ANO2: variants seen among roughly 807,000 people sequenced by gnomAD.
ANO2 encodes the protein anoctamin 2.
ANO2 carries 101 observed loss-of-function variants against 124.2 expected under a neutral mutation model. The ratio of observed to expected loss-of-function variants is 0.81; its 90% CI spans 0.69 to 0.96. The LOEUF (loss-of-function observed/expected upper bound fraction) is 0.96, where lower values mean the gene tolerates loss of function less well. ANO2 is among the 40% of genes least tolerant of loss of function. The pLI, the probability that ANO2 is intolerant of heterozygous loss-of-function variation, is 0.00. For synonymous variants in ANO2, 486 were observed against 482.5 expected, an observed-to-expected ratio of 1.01 and a Z score of -0.09; for missense variants, 1,293 against 1,274.5, an observed-to-expected ratio of 1.01 and a Z score of -0.22.
At chr12:5,923,003 C>T (rs965206120) in intron 1 of ANO2, among the ~76,000 whole-genome samples, 199 bp from the exon 2 acceptor site, 3 of 152,132 alleles carry the variant, frequency 2.0e-5, no homozygotes, top group African/African-American at 2.4e-5. Flanking sequence ...TGCGGCCCCC[C>T]GACTGCATAC....
rs144296547 is a variant in ANO2 at position 5,658,603 on chromosome 12, A to G, written c.1546-10802T>C. Among the ~76,000 whole-genome samples, 42 of 151,922 alleles carry G rather than the reference A, an allele frequency of 2.8e-4. No individual in the cohort carries two copies. The highest frequency in any genetic ancestry group is 5.0e-4 in the Non-Finnish European group (34 of 67,980). ...CATCAATATCATCATCATCATCATT[A>G]TCATCATTAAATCATCATCAACATC... On this transcript the variant is annotated intron_variant, in intron 14 of 24. Coordinates refer to ENST00000682330, the MANE Select transcript of ANO2 (RefSeq NM_001364791.2). This position sits in a 1 kb window ranked among gnomAD's most constrained non-coding sequence, Gnocchi z 4.3.
chr12:5,659,220 T>C (rs1267561070), intron 14 of ANO2, among the ~76,000 whole-genome samples: 1 of 152,170 alleles, frequency 6.6e-6, no homozygotes, highest in Non-Finnish European at 1.5e-5. Flanking sequence ...TCTTTAGGTC[T>C]CCCTCTTAAA....
intron 7 of ANO2, among the ~76,000 whole-genome samples, chr12:5,811,088 C>T (rs1953374318): frequency 6.6e-6 from 1 of 152,206 alleles, no homozygotes; most frequent in Non-Finnish European, 1.5e-5. Context: ...TGCTGGGTGA[C>T]AGGGACTGCA....
At chr12:5,882,873 A>G (rs1249524241) in intron 3 of ANO2, among the ~76,000 whole-genome samples, 2 of 152,226 alleles carry the variant, frequency 1.3e-5, no homozygotes, top group Non-Finnish European at 2.9e-5. Flanking sequence ...AGAGCCACAA[A>G]GGGGAGATAT....
intron 1 of ANO2, among the ~76,000 whole-genome samples, chr12:5,931,179 G>C (rs1183602623): frequency 6.6e-6 from 1 of 152,102 alleles, no homozygotes; most frequent in Non-Finnish European, 1.5e-5. Flanking sequence ...ATGACATACA[G>C]GGTCTTTCAT....
chr12:5,839,539 C>T, intron 4 of ANO2: 1 of 455,654 alleles, frequency 2.2e-6, no homozygotes, highest in Admixed American at 2.4e-5. Flanking sequence ...GCTACCACTC[C>T]ATGGCTCTGA....
In ANO2 at chr12:5,744,193, C is replaced by T; in HGVS notation, c.1315G>A (p.Ala439Thr). 1.2e-6 allele frequency: 2 copies of T among 1,613,128 alleles called. No homozygotes were observed. Among genetic ancestry groups the T allele is most frequent in the Non-Finnish European group, 1.7e-6 (2 of 1,179,868 alleles). ...ATGAAGATAGAGAAGAAGACGGTGG[C>T]AGGGTTGTCAAACAGGTGGCTGGCC... ...AQASHLFDNPATVFFSIFMAL... is the reference protein window; with the variant it reads ...AQASHLFDNPTTVFFSIFMAL... The change falls in exon 12 of 25, where the codon GCC becomes ACC. Residue 439 changes from alanine to threonine, a missense_variant. Physicochemically the swap from Ala to Thr is moderately conservative, Grantham distance 58. Coordinates refer to ENST00000682330, the MANE Select transcript of ANO2 (RefSeq NM_001364791.2).
intron 7 of ANO2, among the ~76,000 whole-genome samples, chr12:5,813,496 C>T (rs1211411464): frequency 1.3e-5 from 2 of 152,224 alleles, no homozygotes; most frequent in Non-Finnish European, 2.9e-5. Context: ...TTTTAGCAAG[C>T]ACACCAGGTG....
In ANO2 at chr12:5,908,252, C is replaced by T. The variant is rs61908400; in HGVS notation, c.534+12788G>A. ...AGGTCCTCTCTGAGGCCTGAGAAGC[C>T]TTCACCCTCCAACGGCCTGTGGATG... is the stretch of plus-strand genomic sequence containing the variant. On this transcript the variant is annotated intron_variant, in intron 3 of 24. Transcript: ENST00000682330. This position sits in a 1 kb window ranked among gnomAD's most constrained non-coding sequence, Gnocchi z 4.7. Among the ~76,000 whole-genome samples the T allele has an allele frequency of 0.093, 14,093 of 152,312 alleles. 750 individuals are homozygous for T. The highest frequency in any genetic ancestry group is 0.18 in the Middle Eastern group (52 of 294).
chr12:5,749,932 C>CT (rs531414221), intron 11 of ANO2, among the ~76,000 whole-genome samples: 223 of 143,454 alleles, frequency 1.6e-3, no homozygotes, highest in East Asian at 6.9e-3. Context: ...TTTCCTTTTC[C>CT]TTTTTTTTTT....
At chr12:5,807,027 C>T (rs569199455) in intron 8 of ANO2, among the ~76,000 whole-genome samples, 4 of 152,290 alleles carry the variant, frequency 2.6e-5, no homozygotes, top group South Asian at 4.1e-4. Context: ...TATAGTTACA[C>T]TTTTGCTAAA....
At chr12:5,888,928 G>A (rs532203796) in intron 3 of ANO2, among the ~76,000 whole-genome samples, 1 of 152,238 alleles carries the variant, frequency 6.6e-6, no homozygotes, top group African/African-American at 2.4e-5. Flanking sequence ...CGAAGGGACT[G>A]GGTGCCTTGG....
chr12:5,648,691 T>C (rs1219550829), intron 14 of ANO2, among the ~76,000 whole-genome samples: 1 of 152,238 alleles, frequency 6.6e-6, no homozygotes, highest in Non-Finnish European at 1.5e-5. Context: ...AAAATTAGAA[T>C]TGATACAGCT....
At chr12:5,939,080 A>G in intron 1 of ANO2, among the ~76,000 whole-genome samples, 1 of 147,760 alleles carries the variant, frequency 6.8e-6, no homozygotes, top group Non-Finnish European at 1.5e-5. Flanking sequence ...AGCTGGGCGT[A>G]GTGGTGCGCG....
chr12:5,609,852 T>C (rs1208374628), intron 19 of ANO2, among the ~76,000 whole-genome samples: 3 of 149,452 alleles, frequency 2.0e-5, no homozygotes, highest in Non-Finnish European at 4.4e-5. Flanking sequence ...AATTAGTCTA[T>C]TGCTTGTTTA....
intron 14 of ANO2, among the ~76,000 whole-genome samples, chr12:5,662,692 C>T (rs1439697252): frequency 6.6e-6 from 1 of 152,150 alleles, no homozygotes; most frequent in Non-Finnish European, 1.5e-5. Flanking sequence ...CAAAAAAAGA[C>T]GCTGCAATTG....
chr12:5,647,376 T>A (rs1946693646), intron 15 of ANO2, among the ~76,000 whole-genome samples: 1 of 152,166 alleles, frequency 6.6e-6, no homozygotes, highest in Non-Finnish European at 1.5e-5. Context: ...AAGCTGGCTA[T>A]CTCCTGTGGC....
chr12:5,836,637 A>T (rs1406082176), intron 4 of ANO2: 2 of 152,900 alleles, frequency 1.3e-5, no homozygotes, highest in Non-Finnish European at 2.9e-5. Flanking sequence ...CTCCATATTG[A>T]CCTTTCCGTG....
At chr12:5,575,684 T>C in intron 23 of ANO2, 150 bp downstream of exon 23, 1 of 881,592 alleles carries the variant, frequency 1.1e-6, no homozygotes, top group Non-Finnish European at 1.7e-6. Context: ...TATGGTATTA[T>C]AATCTTACGG....
Sources: allele counts gnomAD v4.1 joint callset (sites outside exome capture counted in the v4.1 genomes callset), GRCh38; gene constraint gnomAD v4.1.1; non-coding constraint Gnocchi (gnomAD v3.1); transcripts MANE v1.5; gene names NCBI Gene and HGNC (gene_info 2026-07-23, HGNC 2026-07-21).